The following LDLRAD3 variants were observed in gnomAD, a reference collection of about 807,000 sequenced individuals.
The protein encoded by LDLRAD3 is low density lipoprotein receptor class A domain containing 3, also known as low-density lipoprotein receptor class A domain-containing protein 3.
LDLRAD3 carries 20 observed loss-of-function variants against 29.4 expected under a neutral mutation model. The ratio of observed to expected loss-of-function variants is 0.68; its 90% CI spans 0.48 to 0.99. The LOEUF (loss-of-function observed/expected upper bound fraction) is 0.99, where lower values mean the gene tolerates loss of function less well. Among genes scored for constraint, LDLRAD3 ranks in the 50% least tolerant of loss-of-function variants. The probability of loss-of-function intolerance (pLI) is 0.00; values close to 1 mark genes in which losing one functional copy is unlikely to be tolerated. For missense variants in LDLRAD3, 420 were observed against 454.3 expected, an observed-to-expected ratio of 0.92 and a Z score of 0.69; for synonymous variants, 157 against 192.7, an observed-to-expected ratio of 0.81 and a Z score of 1.53.
chr11:36,054,455 CTCT>C (rs1852575841), intron 2 of LDLRAD3, among the ~76,000 whole-genome samples: 1 of 152,220 alleles, frequency 6.6e-6, no homozygotes, highest in Non-Finnish European at 1.5e-5. Context: ...AGAAGAGCAG[CTCT>C]TCTTGACCCT....
intron 1 of LDLRAD3, among the ~76,000 whole-genome samples, chr11:35,975,353 C>T (rs1851462662): frequency 6.6e-6 from 1 of 152,128 alleles, no homozygotes; most frequent in Non-Finnish European, 1.5e-5. Context: ...TAGCAAACAG[C>T]AGTAATAGCA....
At chr11:36,195,737 T>A (rs1397451206) in intron 4 of LDLRAD3, among the ~76,000 whole-genome samples, 1 of 152,174 alleles carries the variant, frequency 6.6e-6, no homozygotes, top group African/African-American at 2.4e-5. Context: ...TAAATCCCTC[T>A]GTGGCTCCCC....
At chr11:36,049,438 ACT>A (rs769524361) in intron 2 of LDLRAD3, among the ~76,000 whole-genome samples, 2 of 152,028 alleles carry the variant, frequency 1.3e-5, no homozygotes, top group African/African-American at 4.8e-5. Context: ...GACCAGAGAG[ACT>A]CTCTCACTAG....
intron 1 of LDLRAD3, chr11:35,997,805 G>A (rs1399029636): frequency 6.4e-6 from 1 of 156,536 alleles, no homozygotes; most frequent in African/African-American, 2.4e-5. Context: ...GATCAGGAAA[G>A]TGAGGCTTAA....
intron 2 of LDLRAD3, among the ~76,000 whole-genome samples, chr11:36,054,667 A>C (rs1240027676): frequency 6.6e-6 from 1 of 152,240 alleles, no homozygotes; most frequent in African/African-American, 2.4e-5. Context: ...ATGAAGATGG[A>C]TGGATGCATG....
intron 3 of LDLRAD3, 86 bp from the exon 4 acceptor site, chr11:36,098,241 G>A (rs1767158039): frequency 6.6e-7 from 1 of 1,514,928 alleles, no homozygotes; most frequent in Admixed American, 1.7e-5. Context: ...TCCTGAGCGG[G>A]ACACACGCCA....
intron 1 of LDLRAD3, among the ~76,000 whole-genome samples, chr11:35,950,859 G>A (rs1438666224): frequency 2.0e-5 from 3 of 152,082 alleles, no homozygotes; most frequent in Admixed American, 6.5e-5. Flanking sequence ...CGAGGTGGGC[G>A]GATCACGAAG....
At chr11:36,171,294 T>G (rs1391608941) in intron 4 of LDLRAD3, among the ~76,000 whole-genome samples, 1 of 152,202 alleles carries the variant, frequency 6.6e-6, no homozygotes, top group African/African-American at 2.4e-5. Context: ...AGAAGCTTTT[T>G]CATTTAATTA....
chr11:36,126,710 G>A (rs1042683407), intron 4 of LDLRAD3, among the ~76,000 whole-genome samples: 30 of 152,136 alleles, frequency 2.0e-4, no homozygotes, highest in Admixed American at 3.3e-4. Context: ...TTTAGTCTCC[G>A]GGAACTCCAG....
chr11:36,160,448 A>G (rs1854422644), intron 4 of LDLRAD3, among the ~76,000 whole-genome samples: 1 of 152,184 alleles, frequency 6.6e-6, no homozygotes, highest in African/African-American at 2.4e-5. Context: ...ATGAATGCTT[A>G]TCCCAGCAGT....
At chr11:36,099,281 G>A (rs1053491772) in intron 4 of LDLRAD3, among the ~76,000 whole-genome samples, 6 of 151,998 alleles carry the variant, frequency 3.9e-5, no homozygotes, top group Non-Finnish European at 8.8e-5. Flanking sequence ...AAAACTGACC[G>A]GGTACATTTC....
At chr11:36,168,567 G>A (rs751985992) in intron 4 of LDLRAD3, among the ~76,000 whole-genome samples, 95 of 142,956 alleles carry the variant, frequency 6.6e-4, no homozygotes, top group Non-Finnish European at 1.3e-3. Flanking sequence ...GATAGAATCA[G>A]GAGTTATTTT....
chr11:36,005,025 T>C (rs1418403152), intron 1 of LDLRAD3, among the ~76,000 whole-genome samples: 4 of 152,216 alleles, frequency 2.6e-5, no homozygotes, highest in Non-Finnish European at 5.9e-5. Flanking sequence ...GAGGGGCTGC[T>C]GTGAAGTTCT....
At chr11:36,160,098 G>C (rs1390990019) in intron 4 of LDLRAD3, among the ~76,000 whole-genome samples, 1 of 152,210 alleles carries the variant, frequency 6.6e-6, no homozygotes, top group African/African-American at 2.4e-5. Flanking sequence ...CAGTCTGACA[G>C]AAAGAAAAGC....
intron 4 of LDLRAD3, among the ~76,000 whole-genome samples, chr11:36,203,249 T>A (rs1855153752): frequency 6.6e-6 from 1 of 152,184 alleles, no homozygotes; most frequent in Admixed American, 6.5e-5. Context: ...ATTACAGGTG[T>A]GAGCCCCCGC....
intron 4 of LDLRAD3, among the ~76,000 whole-genome samples, chr11:36,122,331 G>A (rs1418215706): frequency 1.3e-5 from 2 of 152,110 alleles, no homozygotes; most frequent in Non-Finnish European, 2.9e-5. Flanking sequence ...AGTGCAGGGG[G>A]AGAAGTGGGA....
intron 2 of LDLRAD3, among the ~76,000 whole-genome samples, chr11:36,072,473 G>C (rs555902749): frequency 6.6e-6 from 1 of 152,328 alleles, no homozygotes; most frequent in Non-Finnish European, 1.5e-5. Context: ...TGATGTCTGG[G>C]GAAGAGCCTT....
chr11:36,218,473 T>G (rs969269047), intron 4 of LDLRAD3, among the ~76,000 whole-genome samples: 7 of 152,010 alleles, frequency 4.6e-5, no homozygotes, highest in African/African-American at 1.7e-4. Context: ...AAGACTAGAG[T>G]CCGAAGAGGC....
At chr11:36,099,945 G>A (rs753525559) in intron 4 of LDLRAD3, among the ~76,000 whole-genome samples, 2 of 152,128 alleles carry the variant, frequency 1.3e-5, no homozygotes, top group Non-Finnish European at 2.9e-5. Flanking sequence ...TTCTTGGGTC[G>A]ACTCTTCACA....
Sources: allele counts gnomAD v4.1 joint callset (sites outside exome capture counted in the v4.1 genomes callset), GRCh38; gene constraint gnomAD v4.1.1; transcripts MANE v1.5; gene names NCBI Gene and HGNC (gene_info 2026-07-23, HGNC 2026-07-21).